The following PRIM2 variants were observed in gnomAD, a reference collection of about 807,000 sequenced individuals.
The protein encoded by PRIM2 is DNA primase subunit 2, also known as DNA primase large subunit.
In PRIM2, 39 loss-of-function variants were observed where a neutral mutation model predicts 67.3. The ratio of observed to expected loss-of-function variants is 0.58; its 90% CI spans 0.45 to 0.76. The LOEUF is 0.76. PRIM2 is among the 30% of genes least tolerant of loss of function. The pLI, the probability that PRIM2 is intolerant of heterozygous loss-of-function variation, is 0.00. For synonymous variants in PRIM2, 143 were observed against 198.7 expected, an observed-to-expected ratio of 0.72 and a Z score of 2.36; for missense variants, 398 against 598.7, an observed-to-expected ratio of 0.66 and a Z score of 3.50.
chr6:57,453,740 G>T (rs201136055), intron 7 of PRIM2, among the ~76,000 whole-genome samples: 2 of 152,040 alleles, frequency 1.3e-5, no homozygotes, highest in Non-Finnish European at 1.5e-5. Context: ...AAACAGGGAC[G>T]ATTTGACTTC....
intron 7 of PRIM2, among the ~76,000 whole-genome samples, chr6:57,385,359 GA>G (rs1770108332): frequency 6.6e-6 from 1 of 151,980 alleles, no homozygotes; most frequent in Admixed American, 6.6e-5. Flanking sequence ...AAAAAAATTT[GA>G]AATATCACAG....
chr6:57,325,760 A>G lies in PRIM2; in HGVS notation c.339-165A>G, dbSNP rs115025478. Reference sequence around the variant, plus strand: ...CCCAACCCATCCTTAGAAGATTGTGATATGTGGTATTGATATTCTCCTTAC... The same window carrying G: ...CCCAACCCATCCTTAGAAGATTGTGGTATGTGGTATTGATATTCTCCTTAC... On this transcript the variant is annotated intron_variant, in intron 4 of 13. Transcript: ENST00000615550. 5.1e-3 allele frequency: 996 copies of G among 194,188 alleles called. 11 individuals carry two copies. Among genetic ancestry groups the G allele is most frequent in the African/African-American group, 0.023 (957 of 42,252 alleles). The allele number at this position is 194,188 out of a possible 1,614,324, so 12.0% of individuals were successfully genotyped here.
intron 10 of PRIM2, among the ~76,000 whole-genome samples, chr6:57,546,604 C>G (rs1481229312): frequency 6.6e-6 from 1 of 151,920 alleles, no homozygotes; most frequent in Non-Finnish European, 1.5e-5. Context: ...ATTACTCATT[C>G]ACTTAGGCTT....
chr6:57,404,665 C>T (rs1357141299), intron 7 of PRIM2, among the ~76,000 whole-genome samples: 1 of 152,238 alleles, frequency 6.6e-6, no homozygotes, highest in Non-Finnish European at 1.5e-5. Context: ...AGCTGTTATT[C>T]ACTGGACAGT....
At chr6:57,222,265 T>C in the PRIM2 span, 1 of 151,432 alleles carries the variant, frequency 6.6e-6, no homozygotes, top group Non-Finnish European at 1.5e-5. Context: ...GGCGCGGGAG[T>C]CTCGACTCCC....
intron 8 of PRIM2, among the ~76,000 whole-genome samples, chr6:57,530,269 A>G (rs1249921170): frequency 6.6e-6 from 1 of 152,228 alleles, no homozygotes; most frequent in Non-Finnish European, 1.5e-5. Context: ...TAAGAGCAAT[A>G]AATTTCTAGA....
At chr6:57,302,086 A>T in the PRIM2 span, among the ~76,000 whole-genome samples, 5 of 152,196 alleles carry the variant, frequency 3.3e-5, no homozygotes, top group Admixed American at 1.3e-4. Flanking sequence ...TCCAATTTAA[A>T]CTGTTTCACT....
chr6:57,621,440 A>G (rs1386544054), intron 12 of PRIM2, among the ~76,000 whole-genome samples: 10 of 152,098 alleles, frequency 6.6e-5, no homozygotes, highest in African/African-American at 2.4e-4. Context: ...CCACAGTACC[A>G]TAGTACCATT....
intron 10 of PRIM2, among the ~76,000 whole-genome samples, chr6:57,566,872 C>G (rs1775753337): frequency 6.6e-6 from 1 of 152,112 alleles, no homozygotes; most frequent in African/African-American, 2.4e-5. Context: ...AATTCTTGCT[C>G]TGCAACTTAG....
At chr6:57,232,600 A>G in the PRIM2 span, among the ~76,000 whole-genome samples, 1 of 152,330 alleles carries the variant, frequency 6.6e-6, no homozygotes, top group South Asian at 2.1e-4. Context: ...AGGTACCAGG[A>G]AACCAACCAT....
At chr6:57,260,618 T>C in the PRIM2 span, among the ~76,000 whole-genome samples, 2 of 152,198 alleles carry the variant, frequency 1.3e-5, no homozygotes, top group Admixed American at 1.3e-4. Flanking sequence ...TTCCTTTGCA[T>C]AAATTTTAAG....
intron 7 of PRIM2, among the ~76,000 whole-genome samples, chr6:57,406,877 G>GT (rs1770909582): frequency 6.6e-6 from 1 of 151,924 alleles, no homozygotes; most frequent in African/African-American, 2.4e-5. Context: ...GTTGTCCCTT[G>GT]TGGCACTATG....
At chr6:57,437,006 T>A (rs1429222178) in intron 7 of PRIM2, among the ~76,000 whole-genome samples, 1 of 152,190 alleles carries the variant, frequency 6.6e-6, no homozygotes. Flanking sequence ...AAAAGAGGTT[T>A]AATTGGCTCA....
intron 7 of PRIM2, among the ~76,000 whole-genome samples, chr6:57,420,626 G>T (rs370018468): frequency 4.5e-4 from 69 of 152,300 alleles, no homozygotes; most frequent in African/African-American, 1.7e-3. Flanking sequence ...GCTGGTCCTG[G>T]GTTGATTAGA....
intron 7 of PRIM2, among the ~76,000 whole-genome samples, chr6:57,441,865 G>A (rs1772212312): frequency 6.6e-6 from 1 of 152,086 alleles, no homozygotes. Context: ...GGTAAACTGT[G>A]TGGTGCATTG....
chr6:57,459,708 G>T (rs1421687496), intron 7 of PRIM2, among the ~76,000 whole-genome samples: 1 of 152,186 alleles, frequency 6.6e-6, no homozygotes, highest in Non-Finnish European at 1.5e-5. Context: ...TATTGAGGCA[G>T]AATTCCTTCT....
intron 5 of PRIM2, among the ~76,000 whole-genome samples, chr6:57,333,785 T>A (rs1768134388): frequency 1.3e-5 from 2 of 152,208 alleles, no homozygotes; most frequent in African/African-American, 4.8e-5. Flanking sequence ...CTTTTAAATT[T>A]ACTTAAAAAT....
the PRIM2 span, among the ~76,000 whole-genome samples, chr6:57,309,370 T>C: frequency 9.8e-5 from 14 of 143,304 alleles, no homozygotes; most frequent in Non-Finnish European, 1.8e-4. Flanking sequence ...AATTCCCACC[T>C]ATGAGTGAGA....
At chr6:57,610,312 C>G (rs1271911288) in intron 12 of PRIM2, among the ~76,000 whole-genome samples, 18 of 152,278 alleles carry the variant, frequency 1.2e-4, no homozygotes, top group African/African-American at 4.1e-4. Flanking sequence ...GGGTGGGAGG[C>G]CTGCCTCGGC....
Sources: allele counts gnomAD v4.1 joint callset (sites outside exome capture counted in the v4.1 genomes callset), GRCh38; gene constraint gnomAD v4.1.1; transcripts MANE v1.5; gene names NCBI Gene and HGNC (gene_info 2026-07-23, HGNC 2026-07-21).